Variants in ROBO2 observed in about 807,000 individuals in gnomAD.
ROBO2 encodes roundabout homolog 2.
Under a neutral mutation model 160.8 loss-of-function variants are expected in ROBO2, and 53 were observed. The ratio of observed to expected loss-of-function variants is 0.33; its 90% confidence interval spans 0.26 to 0.41. The LOEUF is 0.41. Among genes scored for constraint, ROBO2 ranks in the 10% least tolerant of loss-of-function variants. ROBO2 has a pLI of 1.00. For synonymous variants in ROBO2, 664 were observed against 611.7 expected (o/e 1.09, Z -1.26); for missense variants, 1,577 against 1,722.4 (o/e 0.92, Z 1.49).
chr3:77,568,375 C>G (rs2093549111), exon 13 of ROBO2: 3 of 1,612,912 alleles, frequency 1.9e-6, no homozygotes, highest in Non-Finnish European at 2.5e-6. Flanking sequence ...AGGAGATGTC[C>G]TTGTCCGTCT....
chr3:77,171,593 G>T (rs1313094914), intron 2 of ROBO2, among the ~76,000 whole-genome samples: 1 of 152,004 alleles, frequency 6.6e-6, no homozygotes, highest in Non-Finnish European at 1.5e-5. Flanking sequence ...GACTTTTCTT[G>T]CCAGGCTTCT....
intron 2 of ROBO2, among the ~76,000 whole-genome samples, chr3:77,441,001 A>G (rs184192711): frequency 1.3e-3 from 193 of 151,986 alleles, no homozygotes; most frequent in African/African-American, 3.7e-3. Flanking sequence ...CAATTCCCAT[A>G]TTCTATTCTT....
chr3:76,868,447 T>C (rs1284390389), intron 2 of ROBO2, among the ~76,000 whole-genome samples: 2 of 152,220 alleles, frequency 1.3e-5, no homozygotes, highest in African/African-American at 2.4e-5. Flanking sequence ...ACATACTTGT[T>C]ACGTTCATTA....
intron 2 of ROBO2, among the ~76,000 whole-genome samples, chr3:76,296,649 A>G (rs1709091234): frequency 6.6e-6 from 1 of 152,154 alleles, no homozygotes; most frequent in South Asian, 2.1e-4. Flanking sequence ...TAAACTAATC[A>G]CTGAAATAGA....
intron 2 of ROBO2, among the ~76,000 whole-genome samples, chr3:77,016,803 GC>G (rs1202519937): frequency 1.3e-5 from 2 of 152,130 alleles, no homozygotes; most frequent in Non-Finnish European, 2.9e-5. Flanking sequence ...CTTGTACCAT[GC>G]TGCACTAAAA....
chr3:76,948,877 TATATATATATA>T (rs2078745729), intron 2 of ROBO2, among the ~76,000 whole-genome samples: 9 of 49,112 alleles, frequency 1.8e-4, no homozygotes, highest in Admixed American at 8.4e-4. Flanking sequence ...GCTAATTTTA[TATATATATATA>T]TATATATATA....
chr3:76,790,655 A>G (rs2108727458), intron 2 of ROBO2, among the ~76,000 whole-genome samples: 1 of 151,898 alleles, frequency 6.6e-6, no homozygotes, highest in Non-Finnish European at 1.5e-5. Context: ...AGTATCAACT[A>G]CATCGCATTT....
chr3:77,116,907 C>T (rs551594037), intron 2 of ROBO2, among the ~76,000 whole-genome samples: 1 of 152,290 alleles, frequency 6.6e-6, no homozygotes, highest in South Asian at 2.1e-4. Flanking sequence ...GACATCTGGC[C>T]TCAGTGTAGT....
intron 2 of ROBO2, among the ~76,000 whole-genome samples, chr3:77,155,395 T>C (rs1484023437): frequency 1.3e-5 from 2 of 152,070 alleles, no homozygotes; most frequent in African/African-American, 2.4e-5. Flanking sequence ...TCATCTGATA[T>C]GAGAAGGACT....
intron 2 of ROBO2, among the ~76,000 whole-genome samples, chr3:76,494,271 A>G (rs550267855): frequency 1.3e-5 from 2 of 152,330 alleles, no homozygotes; most frequent in South Asian, 4.1e-4. Flanking sequence ...CTCTTAGGGT[A>G]CTTTAGCTGA....
chr3:77,329,007 C>G (rs2065723313), intron 2 of ROBO2, among the ~76,000 whole-genome samples: 1 of 152,192 alleles, frequency 6.6e-6, no homozygotes, highest in East Asian at 1.9e-4. Flanking sequence ...GTTCTCTTGT[C>G]AAACTCAGTG....
chr3:77,544,617 T>G (rs982237261), intron 6 of ROBO2, among the ~76,000 whole-genome samples: 10 of 152,112 alleles, frequency 6.6e-5, no homozygotes, highest in Admixed American at 5.9e-4. Context: ...GTTGCGTGTT[T>G]GGGGCTGATC....
chr3:77,527,735 C>G (rs1282820033), intron 6 of ROBO2, among the ~76,000 whole-genome samples: 2 of 151,368 alleles, frequency 1.3e-5, no homozygotes, highest in South Asian at 2.1e-4. Flanking sequence ...CATTGCTCTC[C>G]TTTTTTGTAT....
chr3:76,032,323 AT>A lies in ROBO2; in HGVS notation c.109+94727del, dbSNP rs201791492. Reference sequence around the variant, plus strand: ...AAAAAACCAGCGCTTGGATTCATTGATTTTTTGAGGGGTTTTTTGTGTCTTT... The same window carrying A: ...AAAAAACCAGCGCTTGGATTCATTGATTTTTGAGGGGTTTTTTGTGTCTTT... On this transcript the variant is annotated intron_variant, in intron 2 of 26. Transcript: ENST00000487694. Among the ~76,000 whole-genome samples, 181 of 152,012 alleles carry A rather than the reference AT, an allele frequency of 1.2e-3. 1 individual carries two copies. In the East Asian group the frequency reaches 0.031, roughly 26 times the overall value.
chr3:76,894,692 G>A (rs2074628902), intron 2 of ROBO2, among the ~76,000 whole-genome samples: 1 of 152,042 alleles, frequency 6.6e-6, no homozygotes, highest in South Asian at 2.1e-4. Context: ...TAAGTAAAAA[G>A]TTTTTCTGGC....
At chr3:77,068,756 A>T (rs1159927249) in intron 1 of ROBO2, among the ~76,000 whole-genome samples, 2 of 152,178 alleles carry the variant, frequency 1.3e-5, no homozygotes, top group Non-Finnish European at 2.9e-5. Flanking sequence ...TCCACAGTAT[A>T]GTGCCCAGCC....
intron 2 of ROBO2, among the ~76,000 whole-genome samples, chr3:75,952,890 A>G (rs905301513): frequency 2.0e-5 from 3 of 151,888 alleles, no homozygotes; most frequent in African/African-American, 7.2e-5. Context: ...TTAGAATCAC[A>G]TGGTATGTAG....
intron 2 of ROBO2, among the ~76,000 whole-genome samples, chr3:76,133,891 G>A (rs1195995379): frequency 5.3e-5 from 8 of 151,458 alleles, no homozygotes; most frequent in Admixed American, 1.3e-4. Context: ...CTTTGACAAC[G>A]CCCTCACAGA....
At chr3:77,213,694 C>T (rs1181155743) in intron 2 of ROBO2, among the ~76,000 whole-genome samples, 1 of 152,016 alleles carries the variant, frequency 6.6e-6, no homozygotes, top group African/African-American at 2.4e-5. Context: ...TAGATCTTTC[C>T]TGCTTTCTCT....
Sources: allele counts gnomAD v4.1 joint callset (sites outside exome capture counted in the v4.1 genomes callset), GRCh38; gene constraint gnomAD v4.1.1; transcripts MANE v1.5; gene names NCBI Gene and HGNC (gene_info 2026-07-23, HGNC 2026-07-21).